Variants in EPHA6 observed in about 807,000 individuals in gnomAD.
The protein encoded by EPHA6 is ephrin type-A receptor 6.
Under a neutral mutation model 112.0 loss-of-function variants are expected in EPHA6, and 50 were observed. That is an observed-to-expected ratio of 0.45 (90% confidence interval 0.36 to 0.56). EPHA6 has a LOEUF of 0.56. Ranked by LOEUF, EPHA6 falls within the 20% of genes least tolerant of loss-of-function variation. EPHA6 has a pLI of 0.00. For missense variants in EPHA6, 1,280 were observed against 1,417.4 expected, an observed-to-expected ratio of 0.90 and a Z score of 1.56; for synonymous variants, 529 against 490.7, an observed-to-expected ratio of 1.08 and a Z score of -1.03.
At chr3:97,283,200 T>TA (rs35916243) in intron 5 of EPHA6, among the ~76,000 whole-genome samples, 2 of 152,148 alleles carry the variant, frequency 1.3e-5, no homozygotes, top group Non-Finnish European at 2.9e-5. Flanking sequence ...AACTTTTTTT[T>TA]AAAAAGCATA....
intron 10 of EPHA6, among the ~76,000 whole-genome samples, chr3:97,529,329 G>A (rs1274419330): frequency 6.6e-6 from 1 of 151,888 alleles, no homozygotes; most frequent in Non-Finnish European, 1.5e-5. Flanking sequence ...CTACCTCAAA[G>A]GTTTACTGGG....
chr3:97,261,754 A>G (rs2079511750), intron 5 of EPHA6, among the ~76,000 whole-genome samples: 1 of 152,214 alleles, frequency 6.6e-6, no homozygotes, highest in Non-Finnish European at 1.5e-5. Context: ...AAAGCACTTC[A>G]TTGTCAGATG....
intron 3 of EPHA6, among the ~76,000 whole-genome samples, chr3:97,141,195 A>G (rs2075892664): frequency 6.6e-6 from 1 of 152,044 alleles, no homozygotes; most frequent in Non-Finnish European, 1.5e-5. Flanking sequence ...TAAAACAAGT[A>G]CTAAAGGAAA....
At chr3:97,178,744 G>A (rs185325427) in intron 3 of EPHA6, among the ~76,000 whole-genome samples, 41 of 152,050 alleles carry the variant, frequency 2.7e-4, no homozygotes, top group Admixed American at 1.5e-3. Flanking sequence ...TATGTTATTC[G>A]TTTCTTTTCT....
chr3:97,465,370 G>A (rs375629590), intron 7 of EPHA6, among the ~76,000 whole-genome samples: 22 of 152,138 alleles, frequency 1.4e-4, no homozygotes, highest in African/African-American at 4.3e-4. Flanking sequence ...CTGCTAATAC[G>A]AATTATTTAA....
At chr3:97,199,663 C>T (rs983690725) in intron 3 of EPHA6, among the ~76,000 whole-genome samples, 4 of 152,250 alleles carry the variant, frequency 2.6e-5, no homozygotes, top group South Asian at 4.1e-4. Flanking sequence ...TTTGAGAAAA[C>T]ATAGTTATTA....
intron 5 of EPHA6, among the ~76,000 whole-genome samples, chr3:97,337,551 A>G (rs979826926): frequency 2.0e-5 from 3 of 152,204 alleles, no homozygotes; most frequent in African/African-American, 7.2e-5. Flanking sequence ...GAAACATAGT[A>G]TAAAGGATAT....
chr3:97,664,932 T>A (rs2094195151), intron 14 of EPHA6, among the ~76,000 whole-genome samples: 1 of 152,220 alleles, frequency 6.6e-6, no homozygotes, highest in African/African-American at 2.4e-5. Flanking sequence ...CCCATCAAGC[T>A]ACCAATGACT....
chr3:97,522,026 T>C (rs2092552041), intron 10 of EPHA6, among the ~76,000 whole-genome samples: 1 of 151,788 alleles, frequency 6.6e-6, no homozygotes, highest in Admixed American at 6.6e-5. Context: ...TGGGCTCAAG[T>C]GATCCTCCCA....
intron 14 of EPHA6, among the ~76,000 whole-genome samples, chr3:97,668,483 C>G (rs747269711): frequency 2.0e-5 from 3 of 152,066 alleles, no homozygotes; most frequent in Non-Finnish European, 4.4e-5. Context: ...GACCAGCTAA[C>G]CATAGGCTTT....
chr3:96,856,511 T>C (rs2035707585), intron 1 of EPHA6, among the ~76,000 whole-genome samples: 1 of 152,160 alleles, frequency 6.6e-6, no homozygotes, highest in African/African-American at 2.4e-5. Context: ...CCTTCTAAAA[T>C]TTAGCCAATA....
chr3:97,019,319 T>C (rs1423358028), intron 3 of EPHA6, among the ~76,000 whole-genome samples: 1 of 152,126 alleles, frequency 6.6e-6, no homozygotes, highest in Non-Finnish European at 1.5e-5. Flanking sequence ...ATCTTCTGGG[T>C]GCTTCTTTCT....
At chr3:96,899,931 G>A (rs1001145272) in intron 2 of EPHA6, among the ~76,000 whole-genome samples, 6 of 152,100 alleles carry the variant, frequency 3.9e-5, no homozygotes, top group African/African-American at 1.4e-4. Flanking sequence ...GAAAGTTTGT[G>A]AAGTGATGAA....
Position 97,001,017 on chromosome 3 carries a change from GAT to G in EPHA6, c.1114+13037_1114+13038del, listed in dbSNP as rs57116000. ...AAACTCTCCAGCCCAGTCAGAAATT[GAT>G]ATATATATATATGCATGTGTGTTCG... On this transcript the variant is annotated intron_variant, in intron 3 of 17. Coordinates refer to ENST00000389672, the MANE Select transcript of EPHA6 (RefSeq NM_001080448.3). Among the ~76,000 whole-genome samples the G allele has an allele frequency of 7.0e-5, 8 of 114,536 alleles. 1 individual carries two copies. The highest frequency in any genetic ancestry group is 1.6e-4 in the Admixed American group (2 of 12,274). 75.1% of individuals were successfully genotyped at this position (114,536 alleles called of 152,430 possible). A position where few individuals can be genotyped will look rare whatever the true frequency, so the allele number is the denominator to read the frequency against.
intron 6 of EPHA6, among the ~76,000 whole-genome samples, chr3:97,420,838 C>T (rs1384654014): frequency 7.6e-6 from 1 of 131,650 alleles, no homozygotes; most frequent in Non-Finnish European, 1.5e-5. Flanking sequence ...GAAAAAAAGA[C>T]AAACAGACAA....
intron 2 of EPHA6, among the ~76,000 whole-genome samples, chr3:96,912,246 C>A (rs187371958): frequency 5.3e-5 from 8 of 152,050 alleles, no homozygotes; most frequent in African/African-American, 1.9e-4. Flanking sequence ...TAAATGTGGT[C>A]GAATTTCAGT....
intron 5 of EPHA6, among the ~76,000 whole-genome samples, chr3:97,388,827 G>A (rs2086229713): frequency 6.6e-6 from 1 of 152,130 alleles, no homozygotes; most frequent in Non-Finnish European, 1.5e-5. Flanking sequence ...GAGGGAGTAG[G>A]ACAACCAAGA....
At chr3:97,046,925 A>G (rs1057415898) in intron 3 of EPHA6, among the ~76,000 whole-genome samples, 2 of 152,162 alleles carry the variant, frequency 1.3e-5, no homozygotes, top group African/African-American at 2.4e-5. Flanking sequence ...ATAAACTAAT[A>G]CAAGAATTGT....
chr3:97,517,983 C>A (rs764632121), intron 10 of EPHA6, among the ~76,000 whole-genome samples: 4 of 152,106 alleles, frequency 2.6e-5, no homozygotes, highest in Non-Finnish European at 5.9e-5. Context: ...TTTTATTGAT[C>A]CATTCATCCA....
Sources: allele counts gnomAD v4.1 joint callset (sites outside exome capture counted in the v4.1 genomes callset), GRCh38; gene constraint gnomAD v4.1.1; transcripts MANE v1.5; gene names NCBI Gene and HGNC (gene_info 2026-07-23, HGNC 2026-07-21).